SDK1: variants seen among roughly 807,000 people sequenced by gnomAD.
SDK1 encodes sidekick cell adhesion molecule 1.
A neutral mutation model predicts 245.5 loss-of-function variants in SDK1; 157 were observed. The observed-to-expected ratio is 0.64, with a 90% CI of 0.56 to 0.73. The LOEUF is 0.73. SDK1 is among the 30% of genes least tolerant of loss of function. SDK1 has a pLI of 0.00. For missense variants in SDK1, 3,583 were observed against 3,002.3 expected (o/e 1.19, Z -4.52); for synonymous variants, 1,647 against 1,278.5 (o/e 1.29, Z -6.15).
chr7:3,720,786 C>T (rs2115028880), intron 4 of SDK1, among the ~76,000 whole-genome samples: 1 of 152,338 alleles, frequency 6.6e-6, no homozygotes, highest in East Asian at 1.9e-4. Context: ...CACACAAAAA[C>T]CTGTACATGA....
intron 5 of SDK1, among the ~76,000 whole-genome samples, chr7:3,888,654 A>T (rs937022688): frequency 6.6e-6 from 1 of 152,238 alleles, no homozygotes; most frequent in African/African-American, 2.4e-5. Context: ...ATAGGATCTT[A>T]TAATTTAGTA....
chr7:3,451,975 T>G (rs1031531569), intron 1 of SDK1, among the ~76,000 whole-genome samples: 1 of 152,176 alleles, frequency 6.6e-6, no homozygotes, highest in African/African-American at 2.4e-5. Context: ...TTGACTCTTT[T>G]TTGTATACAG....
chr7:3,546,399 A>G (rs1437515903), intron 1 of SDK1, among the ~76,000 whole-genome samples: 1 of 152,196 alleles, frequency 6.6e-6, no homozygotes, highest in Non-Finnish European at 1.5e-5. Flanking sequence ...CTAACAGATG[A>G]TCAGATGAGG....
intron 1 of SDK1, among the ~76,000 whole-genome samples, chr7:3,584,840 C>T (rs1780632171): frequency 6.6e-6 from 1 of 152,022 alleles, no homozygotes; most frequent in African/African-American, 2.4e-5. Flanking sequence ...TCTGCTGCCT[C>T]AGCCTCCCGA....
intron 1 of SDK1, among the ~76,000 whole-genome samples, chr7:3,346,735 A>ATT (rs1780510094): frequency 7.3e-6 from 1 of 136,202 alleles, no homozygotes; most frequent in Non-Finnish European, 1.5e-5. Context: ...ACATATATAT[A>ATT]TACACGTATA....
At chr7:4,121,717 C>G (rs892188182) in intron 25 of SDK1, among the ~76,000 whole-genome samples, 7 of 152,170 alleles carry the variant, frequency 4.6e-5, no homozygotes, top group Non-Finnish European at 1.0e-4. Flanking sequence ...GTTCATAGTT[C>G]ATGTTCTGTT....
chr7:4,156,584 G>A (rs1322818157), intron 30 of SDK1, among the ~76,000 whole-genome samples: 1 of 152,216 alleles, frequency 6.6e-6, no homozygotes, highest in Non-Finnish European at 1.5e-5. Flanking sequence ...TGAGCTGGTA[G>A]AGAAACAGTG....
At chr7:3,992,835 A>C (rs1486045123) in intron 14 of SDK1, among the ~76,000 whole-genome samples, 1 of 152,200 alleles carries the variant, frequency 6.6e-6, no homozygotes, top group Non-Finnish European at 1.5e-5. Flanking sequence ...ATCTTATAGT[A>C]GTGCACTTTG....
intron 1 of SDK1, among the ~76,000 whole-genome samples, chr7:3,345,653 C>T (rs1780472249): frequency 6.6e-6 from 1 of 152,110 alleles, no homozygotes; most frequent in South Asian, 2.1e-4. Context: ...ACCCAAATTC[C>T]AGGATGGTGG....
intron 1 of SDK1, among the ~76,000 whole-genome samples, chr7:3,329,051 C>A (rs1237885426): frequency 6.6e-6 from 1 of 152,074 alleles, no homozygotes; most frequent in East Asian, 1.9e-4. Context: ...CCGTTTATCC[C>A]CTCTCTTGCT....
chr7:4,179,455 C>T (rs1461866087), intron 35 of SDK1, among the ~76,000 whole-genome samples: 1 of 152,038 alleles, frequency 6.6e-6, no homozygotes, highest in African/African-American at 2.4e-5. Flanking sequence ...CATCAGGTGA[C>T]CTTTTGCAAT....
chr7:4,052,813 A>G (rs186722596), intron 19 of SDK1, among the ~76,000 whole-genome samples: 13 of 152,212 alleles, frequency 8.5e-5, no homozygotes, highest in African/African-American at 3.1e-4. Context: ...AATTAGGGCC[A>G]TGCAGTGGTT....
At chr7:4,006,764 A>G (rs1259958037) in intron 14 of SDK1, among the ~76,000 whole-genome samples, 1 of 152,230 alleles carries the variant, frequency 6.6e-6, no homozygotes, top group Non-Finnish European at 1.5e-5. Flanking sequence ...AGGCCCCGAG[A>G]TGCAGAGGTA....
At chr7:4,115,737 C>A (rs1184483791) in intron 25 of SDK1, among the ~76,000 whole-genome samples, 1 of 152,200 alleles carries the variant, frequency 6.6e-6, no homozygotes, top group Non-Finnish European at 1.5e-5. Context: ...CTCTCTGCAA[C>A]CCAGAGCCTC....
chr7:3,895,853 T>C lies in SDK1; in HGVS notation c.848-55070T>C, dbSNP rs530846577. On this transcript the variant is annotated intron_variant, in intron 5 of 44. Coordinates refer to ENST00000404826, the MANE Select transcript of SDK1 (RefSeq NM_152744.4). ...TCTCCTTTCACCCATGGATTATTTA[T>C]AAGTGTGTTGTTAAGTTCTAACTCT... is the stretch of plus-strand genomic sequence containing the variant. 1.1e-4 allele frequency among the ~76,000 whole-genome samples: 17 copies of C among 152,324 alleles called. No individual in the cohort carries two copies. The South Asian group carries it at 1.9e-3, about 17-fold the overall frequency.
At chr7:4,133,013 T>C (rs1333631101) in intron 28 of SDK1, among the ~76,000 whole-genome samples, 1 of 152,220 alleles carries the variant, frequency 6.6e-6, no homozygotes, top group African/African-American at 2.4e-5. Context: ...CCTTCCTCTC[T>C]GAAATATCAG....
chr7:4,185,165 G>A (rs1444467582), intron 35 of SDK1, among the ~76,000 whole-genome samples: 1 of 152,178 alleles, frequency 6.6e-6, no homozygotes, highest in African/African-American at 2.4e-5. Flanking sequence ...AAGGGGACTC[G>A]GGCATTCACC....
chr7:3,682,193 AG>A (rs1784120827), intron 4 of SDK1, among the ~76,000 whole-genome samples: 1 of 152,214 alleles, frequency 6.6e-6, no homozygotes, highest in African/African-American at 2.4e-5. Flanking sequence ...TAGGCAACCC[AG>A]GTATTATTAT....
chr7:4,098,369 C>T (rs907666654), intron 22 of SDK1, among the ~76,000 whole-genome samples: 1 of 152,216 alleles, frequency 6.6e-6, no homozygotes, highest in Non-Finnish European at 1.5e-5. Context: ...TTTCCCCGTT[C>T]TTTCCGAGGA....
Sources: gnomAD v4.1 joint callset for allele counts (sites outside exome capture counted in the v4.1 genomes callset) on GRCh38, gnomAD v4.1.1 for gene constraint, MANE v1.5 for transcripts, NCBI Gene and HGNC (gene_info 2026-07-23, HGNC 2026-07-21) for gene names.